The following RBFOX1 variants were observed in gnomAD, a reference collection of about 807,000 sequenced individuals.
RBFOX1 encodes RNA binding fox-1 homolog 1, also known as RNA binding protein fox-1 homolog 1.
RBFOX1 carries 8 observed loss-of-function variants against 57.7 expected under a neutral mutation model. The observed-to-expected ratio is 0.14, with a 90% CI of 0.08 to 0.25. The LOEUF is 0.25. Ranked by LOEUF, RBFOX1 falls within the 10% of genes least tolerant of loss-of-function variation. RBFOX1 has a pLI of 1.00. For synonymous variants in RBFOX1, 326 were observed against 222.4 expected (o/e 1.47, Z -4.15); for missense variants, 611 against 548.5 (o/e 1.11, Z -1.14).
intron 1 of RBFOX1, among the ~76,000 whole-genome samples, chr16:6,194,713 A>G (rs72774590): frequency 0.11 from 17,439 of 152,108 alleles, 1,171 homozygotes; most frequent in Admixed American, 0.18. Flanking sequence ...ATTCATGGGC[A>G]CTCCAAATAC....
At chr16:6,133,531 CTA>C (rs2096644813) in intron 1 of RBFOX1, among the ~76,000 whole-genome samples, 1 of 152,188 alleles carries the variant, frequency 6.6e-6, no homozygotes, top group Non-Finnish European at 1.5e-5. Flanking sequence ...TGCGATCACG[CTA>C]TGTTTACTGT....
At chr16:5,245,709 G>A (rs1245805111) in intron 1 of RBFOX1, among the ~76,000 whole-genome samples, 1 of 152,080 alleles carries the variant, frequency 6.6e-6, no homozygotes, top group Non-Finnish European at 1.5e-5. Flanking sequence ...TGGGATTATA[G>A]GCATGAGCCA....
intron 3 of RBFOX1, among the ~76,000 whole-genome samples, chr16:5,859,346 C>G (rs2057152207): frequency 6.6e-6 from 1 of 152,204 alleles, no homozygotes; most frequent in African/African-American, 2.4e-5. Flanking sequence ...AAAACCACAG[C>G]TATCCATTCT....
At chr16:6,931,520 G>A (rs2076559538) in intron 3 of RBFOX1, among the ~76,000 whole-genome samples, 1 of 152,054 alleles carries the variant, frequency 6.6e-6, no homozygotes, top group South Asian at 2.1e-4. Context: ...TTTTAAGGCT[G>A]GGGACATCTT....
chr16:6,574,911 G>A (rs113787261), intron 2 of RBFOX1, among the ~76,000 whole-genome samples: 20,655 of 151,120 alleles, frequency 0.14, 1,752 homozygotes, highest in East Asian at 0.39. Context: ...GGTGGCGGGC[G>A]CCTGTAGTCC....
intron 2 of RBFOX1, among the ~76,000 whole-genome samples, chr16:6,590,162 T>C (rs1173311613): frequency 1.3e-5 from 2 of 152,236 alleles, no homozygotes; most frequent in Non-Finnish European, 2.9e-5. Flanking sequence ...TATGGGGAAC[T>C]TCTAAGTTCA....
At chr16:6,067,358 G>A (rs776391270) in intron 1 of RBFOX1, among the ~76,000 whole-genome samples, 4 of 100,460 alleles carry the variant, frequency 4.0e-5, no homozygotes, top group Non-Finnish European at 5.7e-5. Flanking sequence ...AATAGCAGAA[G>A]TGAATAGAGG....
chr16:7,502,461 T>C (rs2071268937), intron 4 of RBFOX1, among the ~76,000 whole-genome samples: 1 of 152,180 alleles, frequency 6.6e-6, no homozygotes, highest in Non-Finnish European at 1.5e-5. Context: ...GTTTTCACCA[T>C]ATCATGCCTC....
At chr16:5,919,252 TG>T (rs2058769113) in intron 4 of RBFOX1, among the ~76,000 whole-genome samples, 1 of 152,258 alleles carries the variant, frequency 6.6e-6, no homozygotes, top group South Asian at 2.1e-4. Context: ...GAATTAGCCC[TG>T]TAACATGTTC....
chr16:7,700,783 G>A (rs1413228962), intron 14 of RBFOX1, among the ~76,000 whole-genome samples: 7 of 152,248 alleles, frequency 4.6e-5, no homozygotes, highest in African/African-American at 1.4e-4. Context: ...CTGCTATTCT[G>A]CTTTCCCTCA....
At chr16:7,239,852 T>G (rs916154460) in intron 4 of RBFOX1, among the ~76,000 whole-genome samples, 22 of 151,928 alleles carry the variant, frequency 1.4e-4, no homozygotes, top group Admixed American at 7.9e-4. Flanking sequence ...TTGAAACTAC[T>G]ACTTGAAAAC....
At chr16:7,199,044 G>T (rs1014445676) in intron 4 of RBFOX1, among the ~76,000 whole-genome samples, 5 of 152,124 alleles carry the variant, frequency 3.3e-5, no homozygotes, top group Non-Finnish European at 7.4e-5. Flanking sequence ...AGTTCCAAGG[G>T]ACAAGGGAAG....
chr16:5,786,984 A>G (rs2054524314), intron 3 of RBFOX1, among the ~76,000 whole-genome samples: 1 of 152,172 alleles, frequency 6.6e-6, no homozygotes, highest in Non-Finnish European at 1.5e-5. Flanking sequence ...AAAAACACAA[A>G]GATTAACTGG....
chr16:5,704,925 C>T (rs949559417), intron 3 of RBFOX1, among the ~76,000 whole-genome samples: 1 of 152,118 alleles, frequency 6.6e-6, no homozygotes, highest in Non-Finnish European at 1.5e-5. Flanking sequence ...CCTCCTTCAA[C>T]CAAAAAGTCA....
intron 4 of RBFOX1, among the ~76,000 whole-genome samples, chr16:5,897,560 G>C (rs757947041): frequency 6.6e-6 from 1 of 152,126 alleles, no homozygotes; most frequent in Non-Finnish European, 1.5e-5. Flanking sequence ...CCCGGGGTTT[G>C]CTCCACTTAA....
chr16:6,760,627 TG>T (rs1432122141), intron 3 of RBFOX1, among the ~76,000 whole-genome samples: 38 of 152,208 alleles, frequency 2.5e-4, no homozygotes, highest in African/African-American at 8.4e-4. Context: ...TAGACTGAAT[TG>T]GGTGAGACAA....
At chr16:6,655,234 T>TCAG in intron 3 of RBFOX1, among the ~76,000 whole-genome samples, 1 of 149,882 alleles carries the variant, frequency 6.7e-6, no homozygotes, top group Non-Finnish European at 1.5e-5. Context: ...ATTAGCCGGG[T>TCAG]GTGGTGGCAC....
intron 2 of RBFOX1, among the ~76,000 whole-genome samples, chr16:5,468,490 T>G (rs374230438): frequency 6.6e-6 from 1 of 152,196 alleles, no homozygotes; most frequent in African/African-American, 2.4e-5. Context: ...GAAAACAGTT[T>G]GGCAGTTCCT....
chr16:5,434,317 C>CCTTTTT (rs2067847478), intron 1 of RBFOX1, among the ~76,000 whole-genome samples: 1 of 79,734 alleles, frequency 1.3e-5, no homozygotes, highest in Non-Finnish European at 2.2e-5. Flanking sequence ...TGCTGAAGTC[C>CCTTTTT]TTTTTTTTTT....
Sources: gnomAD v4.1 joint callset for allele counts (sites outside exome capture counted in the v4.1 genomes callset) on GRCh38, gnomAD v4.1.1 for gene constraint, MANE v1.5 for transcripts, NCBI Gene and HGNC (gene_info 2026-07-23, HGNC 2026-07-21) for gene names.